The following B4GALNT3 variants were observed in gnomAD, a reference collection of about 807,000 sequenced individuals.
The protein encoded by B4GALNT3 is beta-1,4-N-acetyl-galactosaminyltransferase 3, also known as beta-1,4-N-acetylgalactosaminyltransferase 3.
B4GALNT3 carries 86 observed loss-of-function variants against 120.2 expected under a neutral mutation model. The ratio of observed to expected loss-of-function variants is 0.72; its 90% CI spans 0.60 to 0.86. The LOEUF (loss-of-function observed/expected upper bound fraction) is 0.86. Among genes scored for constraint, B4GALNT3 ranks in the 40% least tolerant of loss-of-function variants. The pLI is 0.00. For missense variants in B4GALNT3, 1,167 were observed against 1,298.9 expected, an observed-to-expected ratio of 0.90 and a Z score of 1.56; for synonymous variants, 518 against 510.4, an observed-to-expected ratio of 1.01 and a Z score of -0.20.
At chr12:474,422 G>A (rs184990365) in intron 1 of B4GALNT3, among the ~76,000 whole-genome samples, 4 of 152,282 alleles carry the variant, frequency 2.6e-5, no homozygotes, top group Non-Finnish European at 5.9e-5. Context: ...TTGTCTGTTT[G>A]TCTTCCCCCA....
intron 6 of B4GALNT3, among the ~76,000 whole-genome samples, chr12:545,817 G>A (rs1946995030): frequency 1.1e-5 from 1 of 90,502 alleles, no homozygotes; most frequent in African/African-American, 5.2e-5. Context: ...GGAGTGGGGA[G>A]GAGCGAGGAG....
intron 1 of B4GALNT3, among the ~76,000 whole-genome samples, chr12:525,054 G>T (rs892087245): frequency 6.6e-6 from 1 of 151,784 alleles, no homozygotes; most frequent in East Asian, 1.9e-4. Context: ...TGTAGTCAGC[G>T]TACAAGTCTA....
At chr12:463,229 A>C (rs781014336) in intron 1 of B4GALNT3, among the ~76,000 whole-genome samples, 50 of 152,328 alleles carry the variant, frequency 3.3e-4, no homozygotes, top group Middle Eastern at 6.8e-3. Context: ...AAGAGTATGG[A>C]GAGATGGCAG....
intron 1 of B4GALNT3, among the ~76,000 whole-genome samples, chr12:525,053 C>T (rs1035805755): frequency 2.0e-5 from 3 of 151,862 alleles, no homozygotes; most frequent in Non-Finnish European, 4.4e-5. Context: ...CTGTAGTCAG[C>T]GTACAAGTCT....
At chr12:512,275 A>T (rs1477216778) in intron 1 of B4GALNT3, among the ~76,000 whole-genome samples, 2 of 48,330 alleles carry the variant, frequency 4.1e-5, no homozygotes, top group Non-Finnish European at 6.7e-5. Flanking sequence ...ACCTTCTTCC[A>T]CCTTCCACCT....
intron 13 of B4GALNT3, chr12:552,897 A>G: frequency 2.0e-6 from 1 of 502,158 alleles, no homozygotes; most frequent in Non-Finnish European, 3.6e-6. Context: ...GGCTGGGACC[A>G]TCTGCTGGGT....
intron 1 of B4GALNT3, among the ~76,000 whole-genome samples, chr12:464,761 T>G (rs945720667): frequency 1.3e-5 from 2 of 152,240 alleles, no homozygotes; most frequent in Non-Finnish European, 2.9e-5. Context: ...CAGGATTACT[T>G]GCTGGATCCC....
chr12:540,821 G>A (rs939671029), intron 3 of B4GALNT3, among the ~76,000 whole-genome samples: 3 of 152,008 alleles, frequency 2.0e-5, no homozygotes, highest in African/African-American at 7.2e-5. Flanking sequence ...TCGGCTCACT[G>A]CAACCTCCGC....
intron 1 of B4GALNT3, among the ~76,000 whole-genome samples, chr12:506,764 G>A (rs1170866727): frequency 4.6e-5 from 7 of 152,118 alleles, no homozygotes; most frequent in Non-Finnish European, 7.3e-5. Flanking sequence ...AGCCTCCCGA[G>A]TAGCTGGGAC....
intron 1 of B4GALNT3, among the ~76,000 whole-genome samples, chr12:527,161 C>T (rs971047599): frequency 7.9e-5 from 12 of 152,146 alleles, no homozygotes; most frequent in African/African-American, 2.2e-4. Flanking sequence ...CTCTTGAACT[C>T]GAGCAATCCT....
intron 1 of B4GALNT3, among the ~76,000 whole-genome samples, chr12:512,238 AC>A (rs1946586562): frequency 2.0e-5 from 1 of 48,840 alleles, no homozygotes; most frequent in Non-Finnish European, 3.5e-5. Flanking sequence ...TCCACCTTCC[AC>A]CTTCCACCTT....
At chr12:552,320 C>T (rs1034689623) in intron 12 of B4GALNT3, 147 bp from the exon 13 acceptor site, 4 of 849,906 alleles carry the variant, frequency 4.7e-6, no homozygotes. Flanking sequence ...CACACACACA[C>T]ACACACACAC....
intron 6 of B4GALNT3, among the ~76,000 whole-genome samples, 184 bp from the exon 7 acceptor site, chr12:546,462 C>T (rs1238259326): frequency 6.6e-6 from 1 of 152,092 alleles, no homozygotes. Context: ...CTGCCTCCTG[C>T]GTGGGCAACG....
At position 548,587 on chromosome 12, in the gene B4GALNT3, G is replaced by T. The variant is rs1947036516; in HGVS notation, c.853+290G>T. On this transcript the variant is annotated intron_variant, in intron 9 of 19. Transcript: ENST00000266383. This position sits in a 1 kb window ranked among gnomAD's most constrained non-coding sequence, Gnocchi z 4.9. ...ACATTTTGAATACAACTTCAAGGGA[G>T]TCCAGAGACTGTGAGCTCACACCAG... Among the ~76,000 whole-genome samples the T allele has an allele frequency of 6.6e-6, 1 of 152,130 alleles. No homozygotes were observed. The highest frequency in any genetic ancestry group is 1.5e-5 in the Non-Finnish European group (1 of 68,028).
rs768065243 is a variant in B4GALNT3, at chr12:548,955, A to C, written c.853+658A>C. The stretch of plus-strand genomic sequence containing the variant: ...ACCCTCTGAGCGAGTCCAATCCCCT[A>C]TTTTCCAGATGAGGTAACCACGGTT... On this transcript the variant is annotated intron_variant, in intron 9 of 19. Coordinates refer to ENST00000266383, the MANE Select transcript of B4GALNT3 (RefSeq NM_173593.4). This position sits in a 1 kb window ranked among gnomAD's most constrained non-coding sequence, Gnocchi z 4.9. Among the ~76,000 whole-genome samples, 3 of 152,078 alleles carry C rather than the reference A, an allele frequency of 2.0e-5. No homozygotes were observed. Among genetic ancestry groups the C allele is most frequent in the Admixed American group, 6.6e-5 (1 of 15,260 alleles).
At chr12:519,911 G>A (rs571112209) in intron 1 of B4GALNT3, among the ~76,000 whole-genome samples, 3 of 152,164 alleles carry the variant, frequency 2.0e-5, no homozygotes, top group South Asian at 2.1e-4. Flanking sequence ...CTCATTGGCC[G>A]GGTTAGTCCC....
At chr12:510,561 G>A (rs113212128) in intron 1 of B4GALNT3, among the ~76,000 whole-genome samples, 18 of 134,372 alleles carry the variant, frequency 1.3e-4, no homozygotes, top group African/African-American at 4.5e-4. Context: ...ATGCCCAAGG[G>A]TGCAATGTGA....
intron 1 of B4GALNT3, among the ~76,000 whole-genome samples, chr12:504,084 C>T (rs1308754293): frequency 1.3e-4 from 19 of 150,982 alleles, no homozygotes; most frequent in African/African-American, 4.6e-4. Context: ...CAAGGCACTC[C>T]AGCCTGGGAG....
chr12:513,170 C>CCTT (rs1565599190), intron 1 of B4GALNT3, among the ~76,000 whole-genome samples: 1 of 151,380 alleles, frequency 6.6e-6, no homozygotes, highest in Non-Finnish European at 1.5e-5. Context: ...CCACCTTCCA[C>CCTT]CTTCCACCTT....
Sources: gnomAD v4.1 joint callset for allele counts (sites outside exome capture counted in the v4.1 genomes callset) on GRCh38, gnomAD v4.1.1 for gene constraint, Gnocchi (gnomAD v3.1) non-coding constraint, MANE v1.5 for transcripts, NCBI Gene and HGNC (gene_info 2026-07-23, HGNC 2026-07-21) for gene names.